CDCA2: variants seen among roughly 807,000 people sequenced by gnomAD.
CDCA2 encodes the protein cell division cycle-associated protein 2.
CDCA2 carries 44 observed loss-of-function variants against 67.0 expected under a neutral mutation model. That is an observed-to-expected ratio of 0.66 (90% CI 0.52 to 0.84). The LOEUF is 0.84. CDCA2 is among the 40% of genes least tolerant of loss of function. CDCA2 has a pLI of 0.00. For synonymous variants in CDCA2, 447 were observed against 418.7 expected (o/e 1.07, Z -0.82); for missense variants, 1,253 against 1,203.2 (o/e 1.04, Z -0.61).
intron 3 of CDCA2, 83 bp from the exon 4 acceptor site, chr8:25,461,971 C>T (rs962444447): frequency 2.2e-6 from 3 of 1,334,506 alleles, no homozygotes; most frequent in Non-Finnish European, 3.2e-6. Flanking sequence ...TTTTCTCTCT[C>T]AGGCTGGTAC....
At chr8:25,502,163 G>T (rs1304337555) in intron 13 of CDCA2, among the ~76,000 whole-genome samples, 4 of 152,124 alleles carry the variant, frequency 2.6e-5, no homozygotes, top group Non-Finnish European at 2.9e-5. Context: ...CCAAAGTGCT[G>T]GGATTACAGG....
At chr8:25,498,757 T>G (rs1171117253) in intron 13 of CDCA2, among the ~76,000 whole-genome samples, 1 of 152,094 alleles carries the variant, frequency 6.6e-6, no homozygotes, top group Non-Finnish European at 1.5e-5. Flanking sequence ...ACCACTAATC[T>G]TTCTTCATTC....
intron 14 of CDCA2, among the ~76,000 whole-genome samples, chr8:25,503,790 AC>A (rs1804570222): frequency 6.6e-6 from 1 of 152,216 alleles, no homozygotes; most frequent in Non-Finnish European, 1.5e-5. Context: ...AAACCGAGAC[AC>A]AAGATTTTGC....
chr8:25,480,180 A>G, intron 8 of CDCA2, 56 bp downstream of exon 8: 1 of 1,350,552 alleles, frequency 7.4e-7, no homozygotes. Context: ...TTTTGCTTCA[A>G]AGTAATACCC....
intron 13 of CDCA2, among the ~76,000 whole-genome samples, chr8:25,490,069 G>A (rs994540016): frequency 2.0e-5 from 3 of 152,110 alleles, no homozygotes; most frequent in African/African-American, 7.2e-5. Flanking sequence ...GAAGGAACTA[G>A]GTGTTTTCCT....
chr8:25,482,397 A>C (rs1803605705), intron 8 of CDCA2, among the ~76,000 whole-genome samples: 1 of 152,160 alleles, frequency 6.6e-6, no homozygotes, highest in Non-Finnish European at 1.5e-5. Context: ...AGTTTTCCTC[A>C]TCTGACACCA....
intron 14 of CDCA2, 100 bp downstream of exon 14, chr8:25,503,644 G>T: frequency 1.7e-6 from 2 of 1,185,516 alleles, no homozygotes. Context: ...ACTATGTAAA[G>T]AGTACGTAAA....
At chr8:25,466,090 A>T in intron 4 of CDCA2, 85 bp from the exon 5 acceptor site, 1 of 1,286,896 alleles carries the variant, frequency 7.8e-7, no homozygotes, top group Non-Finnish European at 1.1e-6. Flanking sequence ...TACTGTATTT[A>T]ATTTTGGATT....
At chr8:25,475,055 A>G (rs1803292420) in intron 7 of CDCA2, among the ~76,000 whole-genome samples, 2 of 152,132 alleles carry the variant, frequency 1.3e-5, no homozygotes, top group Non-Finnish European at 2.9e-5. Context: ...CACTGCTAGG[A>G]TTGGGTAGGC....
At chr8:25,501,377 T>G (rs932305820) in intron 13 of CDCA2, among the ~76,000 whole-genome samples, 1 of 152,234 alleles carries the variant, frequency 6.6e-6, no homozygotes, top group Non-Finnish European at 1.5e-5. Flanking sequence ...CCAAATGACC[T>G]TTCTTAAATT....
intron 13 of CDCA2, among the ~76,000 whole-genome samples, chr8:25,493,559 T>C (rs1276025918): frequency 2.0e-5 from 3 of 152,226 alleles, no homozygotes; most frequent in Admixed American, 2.0e-4. Flanking sequence ...ATGTCACTAA[T>C]ATTTGAAGAG....
chr8:25,507,022 T>G lies in CDCA2; in HGVS notation c.2356T>G (p.Ser786Ala). The G allele has an allele frequency of 6.2e-7, 1 of 1,614,022 alleles. No homozygotes were observed. Among genetic ancestry groups the G allele is most frequent in the Non-Finnish European group, 8.5e-7 (1 of 1,179,952 alleles). ...KLQCNRLMPN[S>A]QKDCHCLGDV... The stretch of plus-strand genomic sequence containing the variant: ...GCAATGCAATCGTTTAATGCCTAAT[T>G]CACAAAAAGACTGTCATTGTTTAGG... Residue 786 changes from serine (S) to alanine (A), a missense_variant, in exon 15 of 15, where the codon TCA (serine) becomes GCA (alanine). Transcript: ENST00000330560.
chr8:25,491,609 GTTTCTTTTTTTCT>G (rs574637451), intron 13 of CDCA2, among the ~76,000 whole-genome samples: 1 of 152,092 alleles, frequency 6.6e-6, no homozygotes, highest in Admixed American at 6.6e-5. Flanking sequence ...ACATTTGAGT[GTTTCTTTTTTTCT>G]TTTCTTTTTA....
Position 25,488,603 on chromosome 8 carries a change from G to T in CDCA2, c.1585G>T (p.Val529Phe). 3 of 1,613,142 alleles carry T rather than the reference G, an allele frequency of 1.9e-6. No homozygotes were observed. The highest frequency in any genetic ancestry group is 2.5e-6 in the Non-Finnish European group (3 of 1,179,680). ...ESVCNLLNTEVQPCKEKKINR... is the reference protein window; with the variant it reads ...ESVCNLLNTEFQPCKEKKINR... ...TGTTTGCAACTTATTGAATACAGAA[G>T]TTCAGCCTTGTAAAGAAAAGAAAAT... The change falls in exon 13 of 15, where the codon GTT (valine) becomes TTT (phenylalanine). Residue 529 changes from valine (V) to phenylalanine (F), a missense_variant. Physicochemically the swap from Val to Phe is conservative, Grantham distance 50. Coordinates refer to ENST00000330560, the MANE Select transcript of CDCA2 (RefSeq NM_152562.4).
intron 12 of CDCA2, among the ~76,000 whole-genome samples, chr8:25,488,241 T>A (rs1047079432): frequency 6.6e-6 from 1 of 152,202 alleles, no homozygotes; most frequent in Non-Finnish European, 1.5e-5. Flanking sequence ...AGTTAGGTGC[T>A]AAATTGTAGG....
chr8:25,480,047 C>G lies in CDCA2; in HGVS notation c.955C>G (p.Leu319Val), dbSNP rs1324777807. The G allele has an allele frequency of 1.9e-6, 3 of 1,614,154 alleles. No individual in the cohort carries two copies. The Admixed American group carries it at 5.0e-5, about 27-fold the overall frequency. The part of the protein sequence containing the change: ...SPATPACRRD[L>V]PTPKTFVLRS... ...AGCTACTCCAGCCTGCAGGAGGGACCTTCCCACCCCCAAGACCTTTGTACT... is the reference window on the plus strand; with the variant it reads ...AGCTACTCCAGCCTGCAGGAGGGACGTTCCCACCCCCAAGACCTTTGTACT... The change falls in exon 8 of 15, where the codon CTT (leucine) becomes GTT (valine). Residue 319 changes from leucine to valine, a missense_variant. Coordinates refer to ENST00000330560, the MANE Select transcript of CDCA2 (RefSeq NM_152562.4).
At chr8:25,492,031 C>T (rs1381974090) in intron 13 of CDCA2, among the ~76,000 whole-genome samples, 1 of 141,598 alleles carries the variant, frequency 7.1e-6, no homozygotes, top group Non-Finnish European at 1.5e-5. Flanking sequence ...CTCCTGACCT[C>T]ATGATCTGCC....
intron 3 of CDCA2, among the ~76,000 whole-genome samples, chr8:25,461,849 C>G (rs1802701846): frequency 6.6e-6 from 1 of 152,204 alleles, no homozygotes; most frequent in South Asian, 2.1e-4. Context: ...AGGCACTGTT[C>G]TAGGAGCATA....
chr8:25,487,351 G>A lies in CDCA2; in HGVS notation c.1533+17G>A, dbSNP rs1197256331. On this transcript the variant is annotated intron_variant, in intron 12 of 14. Transcript: ENST00000330560. Reference sequence around the variant, plus strand: ...AGAAGAAATGTAAGTGTTTGTGTTTGGCACAACGTATTTGTTTTTAAATCG... The same window carrying A: ...AGAAGAAATGTAAGTGTTTGTGTTTAGCACAACGTATTTGTTTTTAAATCG... The A allele has an allele frequency of 1.3e-6, 2 of 1,490,276 alleles. No individual in the cohort carries two copies. Among genetic ancestry groups the A allele is most frequent in the African/African-American group, 1.4e-5 (1 of 71,838 alleles). 92.3% of individuals were successfully genotyped at this position (1,490,276 alleles called of 1,614,324 possible).
Sources: gnomAD v4.1 joint callset for allele counts (sites outside exome capture counted in the v4.1 genomes callset) on GRCh38, gnomAD v4.1.1 for gene constraint, MANE v1.5 for transcripts, NCBI Gene and HGNC (gene_info 2026-07-23, HGNC 2026-07-21) for gene names.